Variants in FARS2 observed in about 807,000 individuals in gnomAD.
FARS2 encodes phenylalanyl-tRNA synthetase 2, mitochondrial, also known as phenylalanine--tRNA ligase, mitochondrial.
FARS2 carries 40 observed loss-of-function variants against 46.4 expected under a neutral mutation model. The ratio of observed to expected loss-of-function variants is 0.86; its 90% CI spans 0.67 to 1.12. The LOEUF (loss-of-function observed/expected upper bound fraction) is 1.12. FARS2 is among the 50% of genes most tolerant of loss of function. FARS2 has a pLI of 0.00. For missense variants in FARS2, 513 were observed against 567.9 expected (o/e 0.90, Z 0.98); for synonymous variants, 234 against 214.9 (o/e 1.09, Z -0.78).
At chr6:5,760,914 A>G (rs564415826) in intron 6 of FARS2, among the ~76,000 whole-genome samples, 3 of 152,320 alleles carry the variant, frequency 2.0e-5, no homozygotes, top group East Asian at 1.9e-4. Flanking sequence ...CCAGCTTCCT[A>G]CGGTGATTGT....
At chr6:5,360,113 G>A (rs1581879094) in intron 1 of FARS2, among the ~76,000 whole-genome samples, 2 of 152,070 alleles carry the variant, frequency 1.3e-5, no homozygotes, top group South Asian at 2.1e-4. Flanking sequence ...AGATGCTCTC[G>A]GTACAACTGT....
At chr6:5,709,938 T>C (rs771908297) in intron 6 of FARS2, among the ~76,000 whole-genome samples, 24 of 152,186 alleles carry the variant, frequency 1.6e-4, no homozygotes, top group Non-Finnish European at 2.6e-4. Flanking sequence ...GGGGATCTCC[T>C]GTGAAACTAA....
At chr6:5,741,681 G>T (rs1761351427) in intron 6 of FARS2, among the ~76,000 whole-genome samples, 1 of 152,106 alleles carries the variant, frequency 6.6e-6, no homozygotes, top group South Asian at 2.1e-4. Flanking sequence ...GATAGAGTCT[G>T]GCTCTGTCGC....
intron 6 of FARS2, among the ~76,000 whole-genome samples, chr6:5,729,120 G>A (rs1760464567): frequency 6.6e-6 from 1 of 152,174 alleles, no homozygotes; most frequent in South Asian, 2.1e-4. Context: ...AACTGAAAAG[G>A]GCACTTAAGC....
At chr6:5,649,478 T>G (rs994610430) in intron 6 of FARS2, among the ~76,000 whole-genome samples, 1 of 152,222 alleles carries the variant, frequency 6.6e-6, no homozygotes, top group South Asian at 2.1e-4. Flanking sequence ...GAGGTTTACA[T>G]GCAGGGCCAG....
At chr6:5,760,325 A>G (rs1762417176) in intron 6 of FARS2, among the ~76,000 whole-genome samples, 1 of 152,170 alleles carries the variant, frequency 6.6e-6, no homozygotes, top group South Asian at 2.1e-4. Context: ...TTAATACCAT[A>G]TGGGTGACAT....
At chr6:5,654,432 T>A (rs1414167296) in intron 6 of FARS2, among the ~76,000 whole-genome samples, 7 of 152,214 alleles carry the variant, frequency 4.6e-5, no homozygotes, top group Admixed American at 3.3e-4. Flanking sequence ...AAAACAAAGA[T>A]GTTCTCAGCC....
intron 4 of FARS2, among the ~76,000 whole-genome samples, chr6:5,539,480 C>T (rs1770476221): frequency 6.6e-6 from 1 of 150,778 alleles, no homozygotes; most frequent in Non-Finnish European, 1.5e-5. Context: ...GATCTGCCCG[C>T]CTTGGCCTCC....
chr6:5,496,299 A>G (rs947463250), intron 4 of FARS2, among the ~76,000 whole-genome samples: 1 of 152,166 alleles, frequency 6.6e-6, no homozygotes, highest in Non-Finnish European at 1.5e-5. Flanking sequence ...TGTTGATACT[A>G]TAGGAATCAG....
chr6:5,648,541 G>A (rs1196534091), intron 6 of FARS2, among the ~76,000 whole-genome samples: 2 of 152,172 alleles, frequency 1.3e-5, no homozygotes, highest in South Asian at 4.1e-4. Flanking sequence ...CAGGGTGTTT[G>A]GACCCAGGGT....
chr6:5,470,785 A>T (rs1765765972), intron 4 of FARS2, among the ~76,000 whole-genome samples: 1 of 152,228 alleles, frequency 6.6e-6, no homozygotes, highest in Non-Finnish European at 1.5e-5. Flanking sequence ...AAAATAGACA[A>T]ATCAATGAGA....
the FARS2 span, among the ~76,000 whole-genome samples, chr6:5,253,081 T>C: frequency 6.6e-6 from 1 of 152,228 alleles, no homozygotes; most frequent in African/African-American, 2.4e-5. Context: ...GTTTTACCCT[T>C]AATAGGAGGC....
At chr6:5,636,683 C>T (rs1263551079) in intron 6 of FARS2, among the ~76,000 whole-genome samples, 2 of 152,178 alleles carry the variant, frequency 1.3e-5, no homozygotes, top group African/African-American at 2.4e-5. Context: ...ATTTCTGTGC[C>T]TCGCCTTCGT....
chr6:5,397,445 T>C (rs1486664096), intron 2 of FARS2, among the ~76,000 whole-genome samples: 3 of 152,150 alleles, frequency 2.0e-5, no homozygotes, highest in African/African-American at 7.2e-5. Flanking sequence ...CTAAGGACTT[T>C]GGGTGATTAT....
intron 4 of FARS2, among the ~76,000 whole-genome samples, chr6:5,507,632 G>T (rs1768177375): frequency 1.3e-5 from 2 of 152,180 alleles, no homozygotes; most frequent in Admixed American, 6.5e-5. Context: ...ATTGTCAATG[G>T]TAATAGCTTT....
chr6:5,757,924 G>A (rs1023170612), intron 6 of FARS2, among the ~76,000 whole-genome samples: 1 of 152,192 alleles, frequency 6.6e-6, no homozygotes, highest in African/African-American at 2.4e-5. Flanking sequence ...GCTTTCTTTA[G>A]TTTTATGCAT....
chr6:5,587,333 C>T (rs1342988106), intron 5 of FARS2, among the ~76,000 whole-genome samples: 1 of 152,138 alleles, frequency 6.6e-6, no homozygotes, highest in African/African-American at 2.4e-5. Context: ...TTAATAGAAT[C>T]ATAACAACAG....
chr6:5,262,265 A>G (rs1223046792), intron 1 of FARS2, among the ~76,000 whole-genome samples: 2 of 152,086 alleles, frequency 1.3e-5, no homozygotes, highest in African/African-American at 4.8e-5. Context: ...TTATATTTTC[A>G]GGAACTTTTC....
At chr6:5,522,002 T>C (rs1428380119) in intron 4 of FARS2, among the ~76,000 whole-genome samples, 2 of 152,228 alleles carry the variant, frequency 1.3e-5, no homozygotes, top group East Asian at 3.8e-4. Context: ...ATGTAACTCT[T>C]TGGTGACTCC....
Sources: gnomAD v4.1 joint callset for allele counts (sites outside exome capture counted in the v4.1 genomes callset) on GRCh38, gnomAD v4.1.1 for gene constraint, MANE v1.5 for transcripts, NCBI Gene and HGNC (gene_info 2026-07-23, HGNC 2026-07-21) for gene names.